The following DACH1 variants were observed in gnomAD, a reference collection of about 807,000 sequenced individuals.
The protein encoded by DACH1 is dachshund homolog 1.
DACH1 carries 12 observed loss-of-function variants against 54.2 expected under a neutral mutation model. The observed-to-expected ratio is 0.22, with a 90% CI of 0.14 to 0.36. The LOEUF is 0.36. Among genes scored for constraint, DACH1 ranks in the 10% least tolerant of loss-of-function variants. The pLI, the probability that DACH1 is intolerant of heterozygous loss-of-function variation, is 1.00. For synonymous variants in DACH1, 386 were observed against 366.2 expected, an observed-to-expected ratio of 1.05 and a Z score of -0.62; for missense variants, 805 against 929.8, an observed-to-expected ratio of 0.87 and a Z score of 1.75.
chr13:71,563,937 TTTAC>T (rs1459876828), intron 4 of DACH1, among the ~76,000 whole-genome samples: 1 of 151,900 alleles, frequency 6.6e-6, no homozygotes, highest in Non-Finnish European at 1.5e-5. Context: ...ATTCAGTCAT[TTTAC>T]TTAATGTATA....
intron 1 of DACH1, among the ~76,000 whole-genome samples, chr13:71,816,580 A>G (rs186971605): frequency 5.2e-5 from 7 of 134,390 alleles, no homozygotes; most frequent in Non-Finnish European, 9.6e-5. Context: ...ATATATATAC[A>G]CGTATATATA....
intron 2 of DACH1, chr13:71,675,520 T>G (rs1310278902): frequency 7.3e-6 from 10 of 1,379,170 alleles, no homozygotes; most frequent in Non-Finnish European, 7.0e-6. Flanking sequence ...AAAAAAATTT[T>G]TTTTTTTCTC....
rs2138275014 is a variant in DACH1 at position 71,855,261 on chromosome 13, T to G, written c.848+10661A>C. Among the ~76,000 whole-genome samples the G allele has an allele frequency of 1.3e-5, 2 of 152,158 alleles. 1 individual carries two copies. Among genetic ancestry groups the G allele is most frequent in the South Asian group, 4.1e-4 (2 of 4,830 alleles). On this transcript the variant is annotated intron_variant, in intron 1 of 10. Coordinates refer to ENST00000613252, the MANE Select transcript of DACH1 (RefSeq NM_080759.6). Reference sequence around the variant, plus strand: ...TTAACTTTTAATTTGAAAAGGAATTTGCTCACCTCAATTTCAAAACCCGAT... The same window carrying G: ...TTAACTTTTAATTTGAAAAGGAATTGGCTCACCTCAATTTCAAAACCCGAT...
At chr13:71,549,352 A>C (rs2138352371) in intron 6 of DACH1, among the ~76,000 whole-genome samples, 1 of 152,258 alleles carries the variant, frequency 6.6e-6, no homozygotes, top group East Asian at 1.9e-4. Flanking sequence ...TGAGGAAGTG[A>C]GTCATTCTAC....
intron 1 of DACH1, among the ~76,000 whole-genome samples, chr13:71,765,868 A>C (rs189853389): frequency 2.4e-4 from 36 of 148,562 alleles, no homozygotes; most frequent in African/African-American, 5.7e-4. Flanking sequence ...CAAAAGGATT[A>C]TTCTTCTTCT....
chr13:71,804,077 G>A (rs192746985), intron 1 of DACH1, among the ~76,000 whole-genome samples: 155 of 152,194 alleles, frequency 1.0e-3, no homozygotes, highest in Non-Finnish European at 1.5e-3. Context: ...CCAGCACTTC[G>A]AGAGGCCAAA....
chr13:71,601,526 A>G (rs1417185942), intron 3 of DACH1, among the ~76,000 whole-genome samples: 1 of 151,976 alleles, frequency 6.6e-6, no homozygotes, highest in Non-Finnish European at 1.5e-5. Flanking sequence ...ATATAGAGTG[A>G]AGTAGAATAC....
At chr13:71,780,603 G>C (rs1487781022) in intron 1 of DACH1, among the ~76,000 whole-genome samples, 1 of 150,172 alleles carries the variant, frequency 6.7e-6, no homozygotes, top group Non-Finnish European at 1.5e-5. Context: ...CCAAGACTAC[G>C]CCACTGCATT....
chr13:71,468,821 C>G (rs1345111092), intron 10 of DACH1, among the ~76,000 whole-genome samples: 1 of 152,102 alleles, frequency 6.6e-6, no homozygotes, highest in Non-Finnish European at 1.5e-5. Flanking sequence ...ACTTTATTTT[C>G]TTTGCTTAGA....
At chr13:71,657,164 G>A (rs1369363444) in intron 2 of DACH1, among the ~76,000 whole-genome samples, 2 of 151,428 alleles carry the variant, frequency 1.3e-5, no homozygotes, top group African/African-American at 4.9e-5. Flanking sequence ...GGAGCTAATT[G>A]CATGCACTGT....
At chr13:71,711,987 T>A (rs1309550070) in intron 1 of DACH1, among the ~76,000 whole-genome samples, 1 of 152,092 alleles carries the variant, frequency 6.6e-6, no homozygotes, top group South Asian at 2.1e-4. Flanking sequence ...AATAAACAAA[T>A]GAGCATATAA....
intron 1 of DACH1, among the ~76,000 whole-genome samples, chr13:71,776,345 T>C (rs1022965263): frequency 7.9e-5 from 12 of 152,258 alleles, no homozygotes; most frequent in African/African-American, 2.6e-4. Context: ...GGTCAGATTA[T>C]AGAAGTGAGA....
chr13:71,573,917 G>T (rs1351015193), intron 3 of DACH1, among the ~76,000 whole-genome samples: 1 of 152,008 alleles, frequency 6.6e-6, no homozygotes, highest in Non-Finnish European at 1.5e-5. Context: ...AATATTTATA[G>T]AATGCAAAGT....
chr13:71,604,473 T>TA (rs1874733395), intron 3 of DACH1, among the ~76,000 whole-genome samples: 1 of 151,914 alleles, frequency 6.6e-6, no homozygotes, highest in South Asian at 2.1e-4. Flanking sequence ...CCAATACCAT[T>TA]ACCATGCACT....
At position 71,813,115 on chromosome 13, in the gene DACH1, A is replaced by G. The variant is rs1887782349; in HGVS notation, c.848+52807T>C. Reference sequence around the variant, plus strand: ...AAATATAATGGACTTTATTCATTGAAAAATATTAACTGAGTACCTACTATG... The same window carrying G: ...AAATATAATGGACTTTATTCATTGAGAAATATTAACTGAGTACCTACTATG... On this transcript the variant is annotated intron_variant, in intron 1 of 10. Coordinates refer to ENST00000613252, the MANE Select transcript of DACH1 (RefSeq NM_080759.6). 1.3e-5 allele frequency among the ~76,000 whole-genome samples: 2 copies of G among 152,232 alleles called. 1 individual carries two copies. The highest frequency in any genetic ancestry group is 4.1e-4 in the South Asian group (2 of 4,836).
intron 6 of DACH1, 67 bp from the exon 7 acceptor site, chr13:71,489,215 T>A (rs531394688): frequency 5.2e-6 from 8 of 1,529,332 alleles, no homozygotes; most frequent in East Asian, 4.6e-5. Context: ...ACCTCAGTAA[T>A]GGCTTCCCTA....
At chr13:71,466,143 C>G (rs536430717) in intron 10 of DACH1, among the ~76,000 whole-genome samples, 1 of 152,024 alleles carries the variant, frequency 6.6e-6, no homozygotes, top group South Asian at 2.1e-4. Context: ...TGAATTTCAC[C>G]GGTGCACTGT....
At chr13:71,617,596 A>G (rs1422553514) in intron 3 of DACH1, among the ~76,000 whole-genome samples, 1 of 152,202 alleles carries the variant, frequency 6.6e-6, no homozygotes, top group Non-Finnish European at 1.5e-5. Context: ...GCCCTGAATC[A>G]CACCTGTGAA....
intron 1 of DACH1, among the ~76,000 whole-genome samples, chr13:71,738,731 CAAAAAAAAA>C (rs34856567): frequency 2.2e-3 from 54 of 24,056 alleles, no homozygotes; most frequent in South Asian, 2.6e-3. Flanking sequence ...GACTCTGTCT[CAAAAAAAAA>C]AAAAAAAAAA....
Sources: gnomAD v4.1 joint callset for allele counts (sites outside exome capture counted in the v4.1 genomes callset) on GRCh38, gnomAD v4.1.1 for gene constraint, MANE v1.5 for transcripts, NCBI Gene and HGNC (gene_info 2026-07-23, HGNC 2026-07-21) for gene names.